GAB2: variants seen among roughly 807,000 people sequenced by gnomAD.
GAB2 encodes GRB2 associated binding protein 2.
GAB2 carries 26 observed loss-of-function variants against 65.5 expected under a neutral mutation model. That is an observed-to-expected ratio of 0.40 (90% CI 0.29 to 0.55). The LOEUF is 0.55. GAB2 is among the 20% of genes least tolerant of loss of function. The pLI is 0.53. For synonymous variants in GAB2, 321 were observed against 329.6 expected, an observed-to-expected ratio of 0.97 and a Z score of 0.28; for missense variants, 884 against 875.8, an observed-to-expected ratio of 1.01 and a Z score of -0.12.
intron 3 of GAB2, among the ~76,000 whole-genome samples, chr11:78,240,564 A>G (rs1865104095): frequency 6.6e-6 from 1 of 152,082 alleles, no homozygotes; most frequent in African/African-American, 2.4e-5. Context: ...TCTGTAGCCC[A>G]AAACACAGCT....
Position 78,346,692 on chromosome 11 carries a change from T to C in GAB2, c.76-65791A>G, listed in dbSNP as rs1353004494. On this transcript the variant is annotated intron_variant, in intron 1 of 9. Transcript: ENST00000361507. ...TCCCCTCCATATATATATATATATA[T>C]ATATATATATATATATATATATATA... 2.2e-4 allele frequency among the ~76,000 whole-genome samples: 20 copies of C among 90,124 alleles called. 2 individuals carry two copies. The highest frequency in any genetic ancestry group is 1.3e-3 in the African/African-American group (18 of 13,660). The allele number at this position is 90,124 out of a possible 152,430, so 59.1% of individuals were successfully genotyped here. A position where few individuals can be genotyped will look rare whatever the true frequency, so the allele number is the denominator to read the frequency against.
At chr11:78,308,099 C>T (rs540641211) in intron 1 of GAB2, among the ~76,000 whole-genome samples, 1 of 152,276 alleles carries the variant, frequency 6.6e-6, no homozygotes, top group South Asian at 2.1e-4. Flanking sequence ...GACATCGGAA[C>T]TCCAGATGCT....
intron 1 of GAB2, among the ~76,000 whole-genome samples, chr11:78,412,732 A>G (rs1857145037): frequency 6.6e-6 from 1 of 152,198 alleles, no homozygotes; most frequent in Non-Finnish European, 1.5e-5. Context: ...GAAATGTTTA[A>G]TTTTTTTAAA....
At chr11:78,319,258 G>A (rs1379651720) in intron 1 of GAB2, among the ~76,000 whole-genome samples, 1 of 152,142 alleles carries the variant, frequency 6.6e-6, no homozygotes, top group Non-Finnish European at 1.5e-5. Flanking sequence ...TCCCTGTAGT[G>A]TGATAAAACA....
chr11:78,352,235 C>A lies in GAB2; in HGVS notation c.75+65411G>T, dbSNP rs1467028852. Among the ~76,000 whole-genome samples the A allele has an allele frequency of 2.6e-5, 4 of 152,166 alleles. No individual in the cohort carries two copies. The South Asian group carries it at 6.2e-4, about 24-fold the overall frequency. On this transcript the variant is annotated intron_variant, in intron 1 of 9. Transcript: ENST00000361507. ...TCTCAAACAAACAAACAAAAACACA[C>A]AACCACACAAAACAACTGGGGGCCA...
chr11:78,369,588 A>G (rs912186337), intron 1 of GAB2, among the ~76,000 whole-genome samples: 1 of 152,242 alleles, frequency 6.6e-6, no homozygotes, highest in African/African-American at 2.4e-5. Flanking sequence ...TCATCTGCAA[A>G]ACAGGTGTGT....
chr11:78,378,745 T>A (rs1856663302), intron 1 of GAB2, among the ~76,000 whole-genome samples: 1 of 152,140 alleles, frequency 6.6e-6, no homozygotes. Flanking sequence ...CCTGCCTCCA[T>A]CTCCCAAGTA....
chr11:78,317,778 G>C (rs1290063680), intron 1 of GAB2, among the ~76,000 whole-genome samples: 1 of 151,972 alleles, frequency 6.6e-6, no homozygotes, highest in Non-Finnish European at 1.5e-5. Flanking sequence ...GCCCTAAACA[G>C]CCCTGCCATT....
intron 2 of GAB2, among the ~76,000 whole-genome samples, chr11:78,261,709 A>T (rs1031830735): frequency 2.0e-5 from 3 of 152,168 alleles, no homozygotes; most frequent in African/African-American, 7.2e-5. Context: ...CAGGTACGAG[A>T]GGCACTACTG....
chr11:78,229,790 C>T (rs1214531477), intron 3 of GAB2, among the ~76,000 whole-genome samples: 1 of 152,158 alleles, frequency 6.6e-6, no homozygotes, highest in Non-Finnish European at 1.5e-5. Context: ...CCCTGTGTGC[C>T]CCAGTTAGTC....
At chr11:78,307,774 A>G (rs894492051) in intron 1 of GAB2, among the ~76,000 whole-genome samples, 2 of 152,250 alleles carry the variant, frequency 1.3e-5, no homozygotes, top group African/African-American at 4.8e-5. Flanking sequence ...TTTTTAATAC[A>G]AAAGAAGTGA....
chr11:78,352,985 G>C (rs1485731685), intron 1 of GAB2, among the ~76,000 whole-genome samples: 5 of 152,120 alleles, frequency 3.3e-5, no homozygotes, highest in Non-Finnish European at 7.4e-5. Flanking sequence ...AGAGTATTTT[G>C]CCTATAATTT....
At chr11:78,313,594 T>C (rs1055200398) in intron 1 of GAB2, among the ~76,000 whole-genome samples, 4 of 152,180 alleles carry the variant, frequency 2.6e-5, no homozygotes, top group Non-Finnish European at 5.9e-5. Flanking sequence ...ATAGGCTGAT[T>C]CATTTGTTCA....
chr11:78,309,989 T>TGTG lies in GAB2; in HGVS notation c.76-29091_76-29089dup, dbSNP rs1855462107. Among the ~76,000 whole-genome samples the TGTG allele has an allele frequency of 5.4e-5, 8 of 149,050 alleles. No homozygotes were observed. The South Asian group carries it at 1.7e-3, about 31-fold the overall frequency. On this transcript the variant is annotated intron_variant, in intron 1 of 9. Transcript: ENST00000361507. ...GTGTGTGTGCGCGCGCGCCTGTGTG[T>TGTG]GTGGTGGTGGCAGTGGTGGGGTAAG...
At chr11:78,370,573 A>G (rs1856556979) in intron 1 of GAB2, among the ~76,000 whole-genome samples, 1 of 152,096 alleles carries the variant, frequency 6.6e-6, no homozygotes, top group South Asian at 2.1e-4. Context: ...GACTGGTAGG[A>G]AAGAATAGGA....
At chr11:78,390,726 G>A (rs774580226) in intron 1 of GAB2, among the ~76,000 whole-genome samples, 6 of 152,160 alleles carry the variant, frequency 3.9e-5, no homozygotes, top group Non-Finnish European at 7.3e-5. Flanking sequence ...GACAGAATAA[G>A]TCTCAACAGG....
chr11:78,417,817 A>AGGGGC lies in GAB2; in HGVS notation c.-98_-97insGCCCC, dbSNP rs1352758170. The AGGGGC allele has an allele frequency of 7.3e-6, 4 of 549,428 alleles. No individual in the cohort carries two copies. The highest frequency in any genetic ancestry group is 6.6e-5 in the Admixed American group (1 of 15,152). The allele number at this position is 549,428 out of a possible 1,614,324, so 34.0% of individuals were successfully genotyped here. A position where few individuals can be genotyped will look rare whatever the true frequency, so the allele number is the denominator to read the frequency against. On this transcript the variant is annotated 5_prime_UTR_variant, in exon 1 of 10. Transcript: ENST00000361507. ...GGCGGTGCGCAGCTCGCGGGAGGCC[A>AGGGGC]GGGGCGGGGCGGGCGGCCCGGCGGG...
At chr11:78,227,676 T>G (rs1316044001) in intron 3 of GAB2, among the ~76,000 whole-genome samples, 1 of 143,860 alleles carries the variant, frequency 7.0e-6, no homozygotes, top group East Asian at 2.2e-4. Context: ...GCTGCACACC[T>G]GTAGTCCTAG....
Position 78,310,085 on chromosome 11 carries a change from C to A in GAB2, c.76-29184G>T, listed in dbSNP as rs114172741. The stretch of plus-strand genomic sequence containing the variant: ...ACAGGTATATTAACCTCAAACCATG[C>A]ATAGGATAAAATCTCGCATAACAAA... On this transcript the variant is annotated intron_variant, in intron 1 of 9. Coordinates refer to ENST00000361507, the MANE Select transcript of GAB2 (RefSeq NM_080491.3). Among the ~76,000 whole-genome samples, 1,320 of 151,992 alleles carry A rather than the reference C, an allele frequency of 8.7e-3. 19 individuals carry two copies. Among genetic ancestry groups the A allele is most frequent in the African/African-American group, 0.03 (1,254 of 41,434 alleles).
Sources: allele counts gnomAD v4.1 joint callset (sites outside exome capture counted in the v4.1 genomes callset), GRCh38; gene constraint gnomAD v4.1.1; transcripts MANE v1.5; gene names NCBI Gene and HGNC (gene_info 2026-07-23, HGNC 2026-07-21).